Variants in TAFA1 observed in about 807,000 individuals in gnomAD.
TAFA1 encodes the protein TAFA chemokine like family member 1, also known as chemokine-like protein TAFA-1.
Under a neutral mutation model 18.5 loss-of-function variants are expected in TAFA1, and 4 were observed. That is an observed-to-expected ratio of 0.22 (90% CI 0.11 to 0.49). TAFA1 has a LOEUF of 0.49. Ranked by LOEUF, TAFA1 falls within the 20% of genes least tolerant of loss-of-function variation. The pLI, the probability that TAFA1 is intolerant of heterozygous loss-of-function variation, is 0.98. For missense variants in TAFA1, 147 were observed against 169.0 expected, an observed-to-expected ratio of 0.87 and a Z score of 0.72; for synonymous variants, 56 against 55.2, an observed-to-expected ratio of 1.01 and a Z score of -0.06.
intron 2 of TAFA1, among the ~76,000 whole-genome samples, chr3:68,309,308 A>T (rs2068476366): frequency 6.6e-6 from 1 of 152,224 alleles, no homozygotes; most frequent in African/African-American, 2.4e-5. Context: ...CAATTATAAT[A>T]TGCCCAAAGA....
chr3:68,395,691 C>A (rs542500698), intron 2 of TAFA1, among the ~76,000 whole-genome samples: 3 of 152,208 alleles, frequency 2.0e-5, no homozygotes, highest in Admixed American at 2.0e-4. Flanking sequence ...TCATTCTCAG[C>A]AAACTAACAC....
At chr3:68,236,001 A>C (rs1347738977) in intron 2 of TAFA1, among the ~76,000 whole-genome samples, 1 of 152,262 alleles carries the variant, frequency 6.6e-6, no homozygotes, top group African/African-American at 2.4e-5. Context: ...GTTTAAGCTG[A>C]TTTGAGTTAG....
chr3:68,138,691 GA>G (rs1351911949), intron 2 of TAFA1, among the ~76,000 whole-genome samples: 1 of 152,152 alleles, frequency 6.6e-6, no homozygotes, highest in Non-Finnish European at 1.5e-5. Flanking sequence ...GTATAAGATG[GA>G]AACTCCGTCT....
intron 2 of TAFA1, among the ~76,000 whole-genome samples, chr3:68,351,096 T>C (rs1272863189): frequency 6.6e-6 from 1 of 152,146 alleles, no homozygotes; most frequent in Non-Finnish European, 1.5e-5. Flanking sequence ...GTCCAGGCCA[T>C]GCTCCAGATC....
At chr3:68,476,990 A>T (rs1224556536) in intron 3 of TAFA1, among the ~76,000 whole-genome samples, 2 of 152,200 alleles carry the variant, frequency 1.3e-5, no homozygotes, top group African/African-American at 4.8e-5. Flanking sequence ...AAGAAACAGA[A>T]CATGATCAAC....
chr3:68,199,565 G>A (rs1322954270), intron 2 of TAFA1, among the ~76,000 whole-genome samples: 1 of 151,320 alleles, frequency 6.6e-6, no homozygotes, highest in Non-Finnish European at 1.5e-5. Flanking sequence ...CTCATATAAA[G>A]ATATTTTGTG....
intron 2 of TAFA1, among the ~76,000 whole-genome samples, chr3:68,400,779 C>T (rs139213296): frequency 1.3e-5 from 2 of 152,178 alleles, no homozygotes; most frequent in Non-Finnish European, 2.9e-5. Flanking sequence ...GGGGAAAATA[C>T]ACTAGGTGGA....
chr3:68,033,711 T>C (rs1298786831), intron 2 of TAFA1, among the ~76,000 whole-genome samples: 4 of 152,226 alleles, frequency 2.6e-5, no homozygotes, highest in Non-Finnish European at 5.9e-5. Flanking sequence ...AAGCAGACAG[T>C]ATTTCTTCTT....
At chr3:68,175,596 G>A (rs79622111) in intron 2 of TAFA1, among the ~76,000 whole-genome samples, 6,209 of 152,158 alleles carry the variant, frequency 0.041, 150 homozygotes, top group Middle Eastern at 0.082. Flanking sequence ...AATCTCTCCC[G>A]TTTGGAATGG....
At chr3:68,340,179 G>A (rs900812247) in intron 2 of TAFA1, among the ~76,000 whole-genome samples, 2 of 152,142 alleles carry the variant, frequency 1.3e-5, no homozygotes, top group Non-Finnish European at 2.9e-5. Context: ...TACTGTAGAA[G>A]ACAGCACAGA....
intron 2 of TAFA1, among the ~76,000 whole-genome samples, chr3:68,201,309 C>G (rs1261044801): frequency 6.6e-6 from 1 of 151,596 alleles, no homozygotes; most frequent in East Asian, 2.0e-4. Context: ...TGTGGCATAT[C>G]TTTGTGAGTG....
intron 2 of TAFA1, among the ~76,000 whole-genome samples, chr3:68,012,090 A>G (rs537612957): frequency 3.7e-4 from 56 of 152,346 alleles, no homozygotes; most frequent in African/African-American, 1.3e-3. Context: ...TAAGAAGACA[A>G]TTTGAACTCT....
At chr3:68,026,086 C>A (rs994435610) in intron 2 of TAFA1, among the ~76,000 whole-genome samples, 1 of 152,026 alleles carries the variant, frequency 6.6e-6, no homozygotes, top group South Asian at 2.1e-4. Flanking sequence ...AGAGACCATT[C>A]CTTTTATTTC....
intron 2 of TAFA1, among the ~76,000 whole-genome samples, chr3:68,414,178 A>C (rs541953631): frequency 1.3e-5 from 2 of 152,102 alleles, no homozygotes; most frequent in South Asian, 2.1e-4. Context: ...ATGGTGGTGC[A>C]TGCCTGTAAT....
chr3:68,420,075 T>A (rs939262553), intron 3 of TAFA1, among the ~76,000 whole-genome samples: 3 of 152,176 alleles, frequency 2.0e-5, no homozygotes, highest in Non-Finnish European at 4.4e-5. Context: ...AGCATGATTG[T>A]ATTGCTTCAG....
At chr3:68,058,803 T>C (rs945130169) in intron 2 of TAFA1, among the ~76,000 whole-genome samples, 1 of 152,136 alleles carries the variant, frequency 6.6e-6, no homozygotes, top group African/African-American at 2.4e-5. Context: ...GAATAGTCCA[T>C]AGAAAAAGGC....
At chr3:68,058,294 C>T (rs905018536) in intron 2 of TAFA1, among the ~76,000 whole-genome samples, 2 of 152,144 alleles carry the variant, frequency 1.3e-5, no homozygotes, top group Non-Finnish European at 2.9e-5. Flanking sequence ...TTGTTATAAG[C>T]ATTGAGCAAG....
At chr3:68,453,631 CA>C (rs2071604986) in intron 3 of TAFA1, among the ~76,000 whole-genome samples, 1 of 152,122 alleles carries the variant, frequency 6.6e-6, no homozygotes, top group African/African-American at 2.4e-5. Flanking sequence ...GGCCATTTGG[CA>C]ATGGGCAACA....
chr3:68,315,030 TAA>T (rs2068584820), intron 2 of TAFA1, among the ~76,000 whole-genome samples: 1 of 151,970 alleles, frequency 6.6e-6, no homozygotes, highest in Admixed American at 6.6e-5. Flanking sequence ...TCTTCTCTGT[TAA>T]AGAGAACTTC....
Sources: allele counts gnomAD v4.1 joint callset (sites outside exome capture counted in the v4.1 genomes callset), GRCh38; gene constraint gnomAD v4.1.1; transcripts MANE v1.5; gene names NCBI Gene and HGNC (gene_info 2026-07-23, HGNC 2026-07-21).